The following TAF4B variants were observed in gnomAD, a reference collection of about 807,000 sequenced individuals.
TAF4B encodes the protein transcription initiation factor TFIID subunit 4B.
In TAF4B, 38 loss-of-function variants were observed where a neutral mutation model predicts 86.4. The ratio of observed to expected loss-of-function variants is 0.44; its 90% confidence interval spans 0.34 to 0.58. The LOEUF is 0.58. TAF4B is among the 20% of genes least tolerant of loss of function. TAF4B has a pLI of 0.02. For synonymous variants in TAF4B, 388 were observed against 391.2 expected, an observed-to-expected ratio of 0.99 and a Z score of 0.10; for missense variants, 988 against 1,027.6, an observed-to-expected ratio of 0.96 and a Z score of 0.53.
intron 14 of TAF4B, among the ~76,000 whole-genome samples, chr18:26,373,989 A>G (rs1172358079): frequency 6.6e-6 from 1 of 152,212 alleles, no homozygotes; most frequent in Non-Finnish European, 1.5e-5. Flanking sequence ...CATGGTGGCC[A>G]TGATAGCCAG....
chr18:26,351,688 CAG>C (rs2057247276), intron 13 of TAF4B, among the ~76,000 whole-genome samples: 2 of 151,774 alleles, frequency 1.3e-5, no homozygotes, highest in African/African-American at 2.4e-5. Context: ...CAGCAACAAA[CAG>C]AAAATAAATA....
rs1024307018 is a variant in TAF4B at position 26,291,578 on chromosome 18, G to A, written c.1591-668G>A. 4.6e-5 allele frequency among the ~76,000 whole-genome samples: 7 copies of A among 151,616 alleles called. No individual in the cohort carries two copies. In the South Asian group the frequency reaches 1.0e-3, roughly 23 times the overall value. On this transcript the variant is annotated intron_variant, in intron 7 of 14. Transcript: ENST00000269142. The stretch of plus-strand genomic sequence containing the variant: ...AAAAATTAGCCAGGCCTGGTGGTGC[G>A]TGTCTGAAATCCTAGCTACTCAGGA...
At chr18:26,251,029 G>T (rs150092088) in intron 1 of TAF4B, among the ~76,000 whole-genome samples, 6 of 152,136 alleles carry the variant, frequency 3.9e-5, no homozygotes, top group Non-Finnish European at 2.9e-5. Flanking sequence ...AAACTGTGAC[G>T]TGAAAAATGG....
At chr18:26,295,983 C>T (rs1272089507) in intron 9 of TAF4B, among the ~76,000 whole-genome samples, 5 of 50,046 alleles carry the variant, frequency 1.0e-4, no homozygotes, top group African/African-American at 2.5e-4. Flanking sequence ...TTCTTGTTCA[C>T]GATTTTGTGT....
intron 1 of TAF4B, among the ~76,000 whole-genome samples, chr18:26,237,345 A>G (rs1056691952): frequency 1.3e-5 from 2 of 152,204 alleles, no homozygotes; most frequent in African/African-American, 4.8e-5. Context: ...TAGGACATCT[A>G]TATACCTATC....
intron 2 of TAF4B, 77 bp from the exon 3 acceptor site, chr18:26,267,439 T>C (rs1478076951): frequency 8.5e-6 from 8 of 936,684 alleles, no homozygotes; most frequent in Non-Finnish European, 1.4e-5. Flanking sequence ...TAAAGTGTTC[T>C]AATGTTCACT....
At chr18:26,358,514 T>G (rs970774076) in intron 14 of TAF4B, among the ~76,000 whole-genome samples, 6 of 152,104 alleles carry the variant, frequency 3.9e-5, no homozygotes, top group African/African-American at 9.7e-5. Context: ...ATCGAGACCA[T>G]CCTGTTTAAC....
chr18:26,378,064 G>A (rs903661853), intron 14 of TAF4B, among the ~76,000 whole-genome samples: 3 of 152,088 alleles, frequency 2.0e-5, no homozygotes, highest in Non-Finnish European at 4.4e-5. Flanking sequence ...CTTATAGACC[G>A]TTTTCAACTG....
Position 26,293,339 on chromosome 18 carries a change from T to C in TAF4B, c.1727-87T>C. On this transcript the variant is annotated intron_variant, in intron 8 of 14. Transcript: ENST00000269142. ...TGGAATTTTCTTTGATTATTCTATATATATAAAAAACGGTTGTCCTGGATT... is the reference window on the plus strand; with the variant it reads ...TGGAATTTTCTTTGATTATTCTATACATATAAAAAACGGTTGTCCTGGATT... The C allele has an allele frequency of 1.2e-5, 10 of 825,156 alleles. 1 individual carries two copies. In the South Asian group the frequency reaches 1.7e-4, roughly 14 times the overall value. 51.1% of individuals were successfully genotyped at this position (825,156 alleles called of 1,614,324 possible). A position where few individuals can be genotyped will look rare whatever the true frequency, so the allele number is the denominator to read the frequency against.
intron 1 of TAF4B, among the ~76,000 whole-genome samples, chr18:26,251,408 G>C (rs2056004348): frequency 6.6e-6 from 1 of 152,092 alleles, no homozygotes; most frequent in African/African-American, 2.4e-5. Flanking sequence ...CAAATGCTGT[G>C]AATGTGGAGA....
intron 9 of TAF4B, among the ~76,000 whole-genome samples, chr18:26,314,154 A>G (rs2056878899): frequency 6.6e-6 from 1 of 152,146 alleles, no homozygotes; most frequent in South Asian, 2.1e-4. Flanking sequence ...TTTAAATCCT[A>G]TTGACAAAAG....
chr18:26,346,773 A>ATATATATATATATATGTGTG lies in TAF4B; in HGVS notation c.2317-10916_2317-10915insATATATATATATATGTGTGT, dbSNP rs1404902479. Among the ~76,000 whole-genome samples the ATATATATATATATATGTGTG allele has an allele frequency of 1.2e-3, 29 of 24,108 alleles. 6 individuals carry two copies. The highest frequency in any genetic ancestry group is 2.1e-3 in the Non-Finnish European group (21 of 10,130). 15.8% of individuals were successfully genotyped at this position (24,108 alleles called of 152,430 possible). ...TATATATGTGTGTATATATATATAT[A>ATATATATATATATATGTGTG]TGTGTGTGTATATATATATATATAT... On this transcript the variant is annotated intron_variant, in intron 13 of 14. Coordinates refer to ENST00000269142, the MANE Select transcript of TAF4B (RefSeq NM_005640.3).
At chr18:26,232,531 G>C (rs2055688362) in intron 1 of TAF4B, among the ~76,000 whole-genome samples, 1 of 152,194 alleles carries the variant, frequency 6.6e-6, no homozygotes, top group African/African-American at 2.4e-5. Flanking sequence ...TAGCAAGATG[G>C]CTGTCACAGG....
chr18:26,242,484 A>G (rs528674545), intron 1 of TAF4B, among the ~76,000 whole-genome samples: 62 of 152,248 alleles, frequency 4.1e-4, no homozygotes, highest in Non-Finnish European at 5.9e-4. Context: ...GTGTCTCTGC[A>G]CGTGAGATGG....
intron 14 of TAF4B, among the ~76,000 whole-genome samples, chr18:26,376,427 T>G (rs59004236): frequency 0.027 from 4,160 of 152,180 alleles, 177 homozygotes; most frequent in African/African-American, 0.095. Flanking sequence ...TTTACTATTT[T>G]TGATGCTGTT....
At chr18:26,303,246 C>G (rs2056758513) in intron 9 of TAF4B, among the ~76,000 whole-genome samples, 1 of 129,214 alleles carries the variant, frequency 7.7e-6, no homozygotes, top group Non-Finnish European at 1.6e-5. Flanking sequence ...CACTTTCATA[C>G]TCCCTCCACT....
At position 26,232,976 on chromosome 18, in the gene TAF4B, A is replaced by G. The variant is rs148166634; in HGVS notation, c.343+5700A>G. ...CTGATGGACTTGAGCTTTGAGGGGC[A>G]CTGATAGGGTCTGATTTCCTGGGGC... On this transcript the variant is annotated intron_variant, in intron 1 of 14. Coordinates refer to ENST00000269142, the MANE Select transcript of TAF4B (RefSeq NM_005640.3). Among the ~76,000 whole-genome samples, 972 of 152,234 alleles carry G rather than the reference A, an allele frequency of 6.4e-3. 5 individuals carry two copies. Among genetic ancestry groups the G allele is most frequent in the Non-Finnish European group, 0.01 (688 of 68,016 alleles).
chr18:26,330,225 C>T (rs2057039823), intron 12 of TAF4B, among the ~76,000 whole-genome samples: 1 of 152,146 alleles, frequency 6.6e-6, no homozygotes, highest in Non-Finnish European at 1.5e-5. Flanking sequence ...TGTGGAAGAG[C>T]TTTCCTTCTT....
chr18:26,303,113 C>A (rs113042726), intron 9 of TAF4B, among the ~76,000 whole-genome samples: 2 of 81,776 alleles, frequency 2.4e-5, no homozygotes, highest in African/African-American at 4.8e-5. Context: ...TTTCATACCC[C>A]CTCCACTTTC....
Sources: allele counts gnomAD v4.1 joint callset (sites outside exome capture counted in the v4.1 genomes callset), GRCh38; gene constraint gnomAD v4.1.1; transcripts MANE v1.5; gene names NCBI Gene and HGNC (gene_info 2026-07-23, HGNC 2026-07-21).